The following CHD6 variants were observed in gnomAD, a reference collection of about 807,000 sequenced individuals.
CHD6 encodes the protein chromodomain helicase DNA binding protein 6.
In CHD6, 50 loss-of-function variants were observed where a neutral mutation model predicts 276.9. The observed-to-expected ratio is 0.18, with a 90% CI of 0.14 to 0.23. The LOEUF (loss-of-function observed/expected upper bound fraction) is 0.23, where lower values mean the gene tolerates loss of function less well. Among genes scored for constraint, CHD6 ranks in the 10% least tolerant of loss-of-function variants. CHD6 has a pLI of 1.00. For synonymous variants in CHD6, 1,173 were observed against 1,229.3 expected (o/e 0.95, Z 0.96); for missense variants, 2,564 against 3,365.8 (o/e 0.76, Z 5.89).
chr20:41,580,731 A>T (rs972838437), intron 1 of CHD6, among the ~76,000 whole-genome samples: 1 of 152,070 alleles, frequency 6.6e-6, no homozygotes. Context: ...GAGACACTAT[A>T]AAAACAACAA....
chr20:41,409,945 C>T (rs780548404), intron 36 of CHD6, among the ~76,000 whole-genome samples: 24 of 152,160 alleles, frequency 1.6e-4, no homozygotes, highest in Middle Eastern at 3.4e-3. Context: ...TGTGTGTATA[C>T]ATATATTTAA....
At chr20:41,447,816 A>C (rs1328646850) in intron 24 of CHD6, 66 bp downstream of exon 24, 81 of 1,220,308 alleles carry the variant, frequency 6.6e-5, no homozygotes, top group Non-Finnish European at 3.5e-6. Flanking sequence ...AAGTTTGGCC[A>C]GCTCCATGAA....
At chr20:41,575,482 C>A (rs2045464614) in intron 1 of CHD6, among the ~76,000 whole-genome samples, 1 of 152,060 alleles carries the variant, frequency 6.6e-6, no homozygotes, top group Non-Finnish European at 1.5e-5. Context: ...TCATAAATAC[C>A]AAGTGAATAC....
intron 3 of CHD6, among the ~76,000 whole-genome samples, chr20:41,532,516 G>A (rs2044712318): frequency 6.6e-6 from 1 of 152,192 alleles, no homozygotes. Flanking sequence ...CACCTGGGAT[G>A]TCACTTCCCT....
intron 27 of CHD6, among the ~76,000 whole-genome samples, chr20:41,435,803 C>T (rs1052348590): frequency 6.6e-6 from 1 of 151,946 alleles, no homozygotes; most frequent in Non-Finnish European, 1.5e-5. Flanking sequence ...AAAGCAAAAA[C>T]AATTTTGAAA....
rs772389164 is a variant in CHD6, at chr20:41,498,211, G to C, written c.931C>G (p.Pro311Ala). ...KTVQEVHPGEPPFDLELFYVK... is the reference protein window; with the variant it reads ...KTVQEVHPGEAPFDLELFYVK... ...TAGAACAGCTCCAAGTCGAACGGAG[G>C]TTCTCCTGGGTGAACCTGTAACAAA... The change falls in exon 7 of 37, where the codon CCT (proline) becomes GCT (alanine). Residue 311 changes from proline to alanine, a missense_variant. Pro to Ala is a conservative substitution (Grantham distance 27, BLOSUM62 -1). Around this residue, in one of 7 missense-constraint regions of CHD6, gnomAD observed 457 missense variants for 889.0 expected, o/e 0.51. Coordinates refer to ENST00000373233, the MANE Select transcript of CHD6 (RefSeq NM_032221.5). 19 of 1,611,062 alleles carry C rather than the reference G, an allele frequency of 1.2e-5. No homozygotes were observed. Among genetic ancestry groups the C allele is most frequent in the South Asian group, 4.4e-5 (4 of 90,450 alleles).
chr20:41,460,251 T>C (rs2048501795), intron 17 of CHD6, among the ~76,000 whole-genome samples: 1 of 152,254 alleles, frequency 6.6e-6, no homozygotes, highest in Non-Finnish European at 1.5e-5. Flanking sequence ...AATAAAAATT[T>C]GGAAAATTTG....
intron 23 of CHD6, among the ~76,000 whole-genome samples, chr20:41,448,722 G>A (rs1227161974): frequency 6.6e-6 from 1 of 152,128 alleles, no homozygotes; most frequent in Non-Finnish European, 1.5e-5. Flanking sequence ...TGACAAAGGG[G>A]TAAGGCCTCT....
Position 41,421,277 on chromosome 20 carries a change from C to A in CHD6, c.5358G>T (p.Lys1786Asn), listed in dbSNP as rs763809134. Residue 1786 changes from lysine (K) to asparagine (N), a missense_variant, in exon 31 of 37, where the codon AAG becomes AAT. Coordinates refer to ENST00000373233, the MANE Select transcript of CHD6 (RefSeq NM_032221.5). ...NGKHLLMSIS[K>N]EGELCCSEAG... ...CCTCACTGCAGCAGAGCTCCCCTTCCTTTGAAATAGACATCAACAAATGTT... is the reference window on the plus strand; with the variant it reads ...CCTCACTGCAGCAGAGCTCCCCTTCATTTGAAATAGACATCAACAAATGTT... 4 of 1,614,116 alleles carry A rather than the reference C, an allele frequency of 2.5e-6. No homozygotes were observed. In the South Asian group the frequency reaches 4.4e-5, roughly 18 times the overall value.
Position 41,457,300 on chromosome 20 carries a change from A to G in CHD6, c.2793T>C (p.Val931=), listed in dbSNP as rs777704004. 3.7e-6 allele frequency: 6 copies of G among 1,614,056 alleles called. No homozygotes were observed. In the Admixed American group the frequency reaches 1.0e-4, roughly 27 times the overall value. The change falls in exon 18 of 37, where the codon GTT becomes GTC. Residue 931 remains valine (V), a synonymous_variant. Transcript: ENST00000373233. ...ASLKLGLDKA[V]LQDINRKGGT... is the part of the protein sequence containing the mutation. Reference sequence around the variant, plus strand: ...CGCCCTTTCGGTTGATGTCCTGAAGAACAGCCTTGTCCAGCCCCAGCTTTA... The same window carrying G: ...CGCCCTTTCGGTTGATGTCCTGAAGGACAGCCTTGTCCAGCCCCAGCTTTA...
rs189818883 is a variant in CHD6 at position 41,572,504 on chromosome 20, C to T, written c.-23-21144G>A. Among the ~76,000 whole-genome samples the T allele has an allele frequency of 2.6e-5, 4 of 152,260 alleles. No homozygotes were observed. In the East Asian group the frequency reaches 7.7e-4, roughly 29 times the overall value. ...ATCCCAGAGAGTTGTTTCCTGCAGC[C>T]CTCCTAAAAAGGATGCCATGTACCA... is the stretch of plus-strand genomic sequence containing the variant. On this transcript the variant is annotated intron_variant, in intron 1 of 36. Coordinates refer to ENST00000373233, the MANE Select transcript of CHD6 (RefSeq NM_032221.5).
In CHD6 at chr20:41,533,455, T is replaced by C; in HGVS notation, c.149A>G (p.Asp50Gly). Residue 50 changes from aspartate to glycine, a missense_variant, in exon 3 of 37, where the codon GAT (aspartate) becomes GGT (glycine). By Grantham distance (94) the Asp-to-Gly change is moderately conservative. This residue lies in a region of CHD6 where 286 missense variants were observed against 297.8 expected (regional missense o/e 0.96). Transcript: ENST00000373233. ...CTGAGGCAGACAGTGACTAGCAACA[T>C]CTTCAATTTTCTCTTCTTGATCAGT... ...CSTDQEEKIEDVASHCLPQKD... is the reference protein window; with the variant it reads ...CSTDQEEKIEGVASHCLPQKD... 1 of 1,614,220 alleles carries C rather than the reference T, an allele frequency of 6.2e-7. No individual in the cohort carries two copies. Among genetic ancestry groups the C allele is most frequent in the South Asian group, 1.1e-5 (1 of 91,082 alleles).
chr20:41,587,070 C>T (rs773141792), intron 1 of CHD6, among the ~76,000 whole-genome samples: 6 of 151,864 alleles, frequency 4.0e-5, no homozygotes, highest in African/African-American at 7.3e-5. Flanking sequence ...ATAGAAAATT[C>T]CAAAGAATCT....
intron 1 of CHD6, among the ~76,000 whole-genome samples, chr20:41,571,040 C>T (rs993423249): frequency 2.6e-5 from 4 of 152,182 alleles, no homozygotes; most frequent in Middle Eastern, 3.4e-3. Flanking sequence ...CCTATCACCA[C>T]CAGTTCCCAA....
chr20:41,443,221 C>T (rs186105390), intron 25 of CHD6, among the ~76,000 whole-genome samples: 5 of 152,344 alleles, frequency 3.3e-5, no homozygotes, highest in East Asian at 3.9e-4. Flanking sequence ...ACTGCTTCAA[C>T]GAGCAGAAGA....
intron 2 of CHD6, among the ~76,000 whole-genome samples, chr20:41,539,199 T>A (rs2044893003): frequency 6.6e-6 from 1 of 152,230 alleles, no homozygotes; most frequent in Non-Finnish European, 1.5e-5. Flanking sequence ...GTGCCCTGGA[T>A]AGCTCTTCGC....
intron 20 of CHD6, among the ~76,000 whole-genome samples, chr20:41,453,808 G>A (rs149278308): frequency 1.3e-5 from 2 of 152,280 alleles, no homozygotes; most frequent in East Asian, 3.9e-4. Flanking sequence ...CTTAAAAGAG[G>A]AAAATCAGCA....
In CHD6 at chr20:41,483,234, T is replaced by C. The variant is rs557080220; in HGVS notation, c.2468+75A>G. The C allele has an allele frequency of 3.7e-6, 5 of 1,360,784 alleles. No homozygotes were observed. In the East Asian group the frequency reaches 7.2e-5, roughly 20 times the overall value. The allele number at this position is 1,360,784 out of a possible 1,614,324, so 84.3% of individuals were successfully genotyped here. ...AATGTTTTGTGTTTAAACAAAATTTTTGAATGGATCAAAAAAATATCAAAG... is the reference window on the plus strand; with the variant it reads ...AATGTTTTGTGTTTAAACAAAATTTCTGAATGGATCAAAAAAATATCAAAG... On this transcript the variant is annotated intron_variant, in intron 16 of 36. Transcript: ENST00000373233.
In CHD6 at chr20:41,415,481, G is replaced by A. The variant is rs147740968; in HGVS notation, c.6644C>T (p.Ser2215Leu). The stretch of plus-strand genomic sequence containing the variant: ...TGATGAGCAGGAGAGGTCCATAGCT[G>A]ACTCCCCATGCCAGCCATTGAGGAT... ...PIILNGWHGE[S>L]AMDLSCSSEG... Residue 2215 changes from serine (S) to leucine (L), a missense_variant, in exon 34 of 37, where the codon TCA becomes TTA. Ser to Leu is a moderately radical substitution (Grantham distance 145, BLOSUM62 -2). Transcript: ENST00000373233. The A allele has an allele frequency of 3.0e-5, 48 of 1,613,568 alleles. No homozygotes were observed. Among genetic ancestry groups the A allele is most frequent in the Non-Finnish European group, 4.0e-5 (47 of 1,179,832 alleles).
Sources: gnomAD v4.1 joint callset for allele counts (sites outside exome capture counted in the v4.1 genomes callset) on GRCh38, gnomAD v4.1.1 for gene constraint, gnomAD v4.1.1 regional missense constraint, MANE v1.5 for transcripts, NCBI Gene and HGNC (gene_info 2026-07-23, HGNC 2026-07-21) for gene names.